SPC25: variants seen among roughly 807,000 people sequenced by gnomAD.
SPC25 encodes kinetochore protein Spc25.
A neutral mutation model predicts 29.6 loss-of-function variants in SPC25; 22 were observed. The ratio of observed to expected loss-of-function variants is 0.74; its 90% CI spans 0.53 to 1.06. SPC25 has a LOEUF of 1.06. SPC25 is among the 50% of genes least tolerant of loss of function. The pLI, the probability that SPC25 is intolerant of heterozygous loss-of-function variation, is 0.00. For synonymous variants in SPC25, 91 were observed against 90.4 expected (o/e 1.01, Z -0.04); for missense variants, 230 against 255.8 (o/e 0.90, Z 0.69).
chr2:168,884,227 T>C (rs972419018), intron 3 of SPC25, among the ~76,000 whole-genome samples: 7 of 152,184 alleles, frequency 4.6e-5, no homozygotes, highest in South Asian at 4.1e-4. Flanking sequence ...GACACTATCA[T>C]TGTGATCCTA....
chr2:168,871,292 C>A lies in SPC25; in HGVS notation c.*139G>T, dbSNP rs2105820985. 5.5e-6 allele frequency: 4 copies of A among 730,318 alleles called. No individual in the cohort carries two copies. The East Asian group carries it at 1.3e-4, about 23-fold the overall frequency. 45.2% of individuals were successfully genotyped at this position (730,318 alleles called of 1,614,324 possible). A position where few individuals can be genotyped will look rare whatever the true frequency, so the allele number is the denominator to read the frequency against. On this transcript the variant is annotated 3_prime_UTR_variant, in exon 7 of 7. Transcript: ENST00000282074. ...ATGGGTGCAGCACACCAATATGGCA[C>A]ATGTATACATATGTAACAAACCTGC...
intron 3 of SPC25, among the ~76,000 whole-genome samples, chr2:168,887,293 G>A (rs796895122): frequency 7.2e-5 from 11 of 151,986 alleles, no homozygotes; most frequent in African/African-American, 1.9e-4. Flanking sequence ...GTGGTGGTGC[G>A]CACCTGTAGT....
intron 5 of SPC25, 62 bp from the exon 6 acceptor site, chr2:168,873,745 C>G: frequency 1.8e-6 from 2 of 1,090,778 alleles, no homozygotes; most frequent in Admixed American, 1.7e-5. Flanking sequence ...CTTTCTTACT[C>G]CATCTTTGAT....
chr2:168,865,157 G>T (rs1373296762), intron 4 of SPC25: 1 of 645,074 alleles, frequency 1.6e-6, no homozygotes, highest in Non-Finnish European at 2.6e-6. Flanking sequence ...TGGATGGGTG[G>T]AGACAGACAA....
intron 3 of SPC25, among the ~76,000 whole-genome samples, chr2:168,881,917 GAAC>G (rs1266717337): frequency 1.3e-5 from 2 of 152,156 alleles, no homozygotes; most frequent in South Asian, 2.1e-4. Flanking sequence ...CTCAGTGCTT[GAAC>G]AACATCTCTC....
chr2:168,865,600 G>GTGT (rs918951053), intron 4 of SPC25: 1 of 152,224 alleles, frequency 6.6e-6, no homozygotes. Context: ...ATTCAACATA[G>GTGT]TGTTAGAAGT....
chr2:168,888,763 G>GTA lies in SPC25; in HGVS notation c.199+461_199+462dup, dbSNP rs1264089023. Among the ~76,000 whole-genome samples the GTA allele has an allele frequency of 1.1e-3, 162 of 148,676 alleles. 1 individual carries two copies. Among genetic ancestry groups the GTA allele is most frequent in the African/African-American group, 3.2e-3 (132 of 40,640 alleles). On this transcript the variant is annotated intron_variant, in intron 3 of 6. Coordinates refer to ENST00000282074, the MANE Select transcript of SPC25 (RefSeq NM_020675.4). ...TGTGTGTGTATGTGTCTATATATAT[G>GTA]TATATATATATATTTTAATTTTTAA...
At chr2:168,877,757 A>G (rs923008909) in intron 3 of SPC25, among the ~76,000 whole-genome samples, 3 of 152,094 alleles carry the variant, frequency 2.0e-5, no homozygotes, top group Non-Finnish European at 4.4e-5. Flanking sequence ...TTTTTGAAAC[A>G]GGGTCTCACT....
chr2:168,863,722 G>T (rs1251731218), intron 4 of SPC25: 1 of 901,882 alleles, frequency 1.1e-6, no homozygotes, highest in African/African-American at 1.8e-5. Flanking sequence ...CAGAGACATT[G>T]TCTTGATCTT....
chr2:168,889,322 T>G, intron 2 of SPC25, 31 bp from the exon 3 acceptor site: 3 of 1,613,520 alleles, frequency 1.9e-6, no homozygotes, highest in Non-Finnish European at 2.5e-6. Flanking sequence ...TCAATTCAGC[T>G]GCAATAACAC....
At chr2:168,885,065 A>G (rs1202464228) in intron 3 of SPC25, among the ~76,000 whole-genome samples, 2 of 152,204 alleles carry the variant, frequency 1.3e-5, no homozygotes, top group Non-Finnish European at 2.9e-5. Flanking sequence ...TTCCAGATGA[A>G]TATATCCATT....
chr2:168,867,785 G>T (rs1689895383), downstream of SPC25, among the ~76,000 whole-genome samples: 1 of 152,030 alleles, frequency 6.6e-6, no homozygotes, highest in South Asian at 2.1e-4. Context: ...GTCAACATTA[G>T]ACAGATCAAC....
intron 5 of SPC25, among the ~76,000 whole-genome samples, chr2:168,874,573 T>G (rs1217568354): frequency 6.6e-6 from 1 of 152,168 alleles, no homozygotes; most frequent in Non-Finnish European, 1.5e-5. Flanking sequence ...TGGTCTTTTT[T>G]ATGATTCACT....
downstream of SPC25, among the ~76,000 whole-genome samples, chr2:168,868,329 G>A (rs1689906511): frequency 6.6e-6 from 1 of 152,108 alleles, no homozygotes; most frequent in Non-Finnish European, 1.5e-5. Flanking sequence ...TCAAAAGCTA[G>A]CAAAAGGCAA....
intron 3 of SPC25, among the ~76,000 whole-genome samples, chr2:168,888,669 A>C (rs1690314000): frequency 6.6e-6 from 1 of 152,070 alleles, no homozygotes; most frequent in Admixed American, 6.5e-5. Flanking sequence ...GTTCTTTCTT[A>C]AACTGTATAG....
chr2:168,862,188 C>T, intron 4 of SPC25: 1 of 707,536 alleles, frequency 1.4e-6, no homozygotes, highest in Non-Finnish European at 2.4e-6. Flanking sequence ...ATAAGCACAT[C>T]TAAAACAAAA....
chr2:168,888,472 G>C (rs763480165), intron 3 of SPC25, among the ~76,000 whole-genome samples: 1 of 151,780 alleles, frequency 6.6e-6, no homozygotes, highest in Non-Finnish European at 1.5e-5. Context: ...GGAGAGTGGC[G>C]TGAACCCAGG....
At chr2:168,870,706 A>G (rs1408063330), downstream of SPC25, among the ~76,000 whole-genome samples, 4 of 148,750 alleles carry the variant, frequency 2.7e-5, 1 homozygote, top group African/African-American at 5.1e-5. Flanking sequence ...GTCAGAAAAC[A>G]ACAGGTGCTG....
chr2:168,887,603 T>C (rs1690292947), intron 3 of SPC25, among the ~76,000 whole-genome samples: 1 of 152,152 alleles, frequency 6.6e-6, no homozygotes, highest in African/African-American at 2.4e-5. Context: ...AAGGACATTC[T>C]AGTCTAATAT....
Sources: allele counts gnomAD v4.1 joint callset (sites outside exome capture counted in the v4.1 genomes callset), GRCh38; gene constraint gnomAD v4.1.1; transcripts MANE v1.5; gene names NCBI Gene and HGNC (gene_info 2026-07-23, HGNC 2026-07-21).